Variants in FOXA3 observed in about 807,000 individuals in gnomAD.
FOXA3 encodes the protein hepatocyte nuclear factor 3-gamma.
In FOXA3, 11 loss-of-function variants were observed where a neutral mutation model predicts 16.9. The ratio of observed to expected loss-of-function variants is 0.65; its 90% CI spans 0.41 to 1.08. The LOEUF is 1.08. FOXA3 is among the 50% of genes least tolerant of loss of function. The pLI, the probability that FOXA3 is intolerant of heterozygous loss-of-function variation, is 0.00. For synonymous variants in FOXA3, 217 were observed against 203.3 expected (o/e 1.07, Z -0.57); for missense variants, 423 against 470.1 (o/e 0.90, Z 0.93).
chr19:45,872,690 A>G lies in FOXA3; in HGVS notation c.685A>G (p.Thr229Ala). ...AAAAGGGGGCAGCGGGGCTGCCACC[A>G]CCACCAGGAACGGGACAGGGTCTGC... ...VKKGGSGAAT[T>A]TRNGTGSAAS... Residue 229 changes from threonine (T) to alanine (A), a missense_variant, in exon 2 of 2, where the codon ACC (threonine) becomes GCC (alanine). Thr to Ala is a moderately conservative substitution (Grantham distance 58). Coordinates refer to ENST00000302177, the MANE Select transcript of FOXA3 (RefSeq NM_004497.3). The surrounding 1 kb of genome is among the most constrained non-coding windows in gnomAD (Gnocchi z 4.5). 1 of 1,609,964 alleles carries G rather than the reference A, an allele frequency of 6.2e-7. No individual in the cohort carries two copies. The highest frequency in any genetic ancestry group is 8.5e-7 in the Non-Finnish European group (1 of 1,178,406).
chr19:45,872,010 C>A lies in FOXA3; in HGVS notation c.70-65C>A. The A allele has an allele frequency of 6.6e-7, 1 of 1,520,718 alleles. No individual in the cohort carries two copies. The highest frequency in any genetic ancestry group is 1.2e-5 in the South Asian group (1 of 85,538). The allele number at this position is 1,520,718 out of a possible 1,614,324, so 94.2% of individuals were successfully genotyped here. On this transcript the variant is annotated intron_variant, in intron 1 of 1. Coordinates refer to ENST00000302177, the MANE Select transcript of FOXA3 (RefSeq NM_004497.3). The surrounding 1 kb of genome is among the most constrained non-coding windows in gnomAD (Gnocchi z 4.5). ...ACAGACAGACGGACACTCAGTGGGTCCTGGGATCCTTTGCTGACCAGCAGA... is the reference window on the plus strand; with the variant it reads ...ACAGACAGACGGACACTCAGTGGGTACTGGGATCCTTTGCTGACCAGCAGA...
At chr19:45,864,627 C>A in intron 1 of FOXA3, 102 bp downstream of exon 1, 3 of 991,044 alleles carry the variant, frequency 3.0e-6, no homozygotes, top group South Asian at 3.1e-5. Flanking sequence ...GAGGCAAAGG[C>A]GTCTACTTGG....
rs201137445 is a variant in FOXA3, at chr19:45,872,087, G to A, written c.82G>A (p.Val28Met). The A allele has an allele frequency of 3.9e-5, 62 of 1,610,172 alleles. No individual in the cohort carries two copies. Among genetic ancestry groups the A allele is most frequent in the Non-Finnish European group, 5.1e-5 (60 of 1,177,934 alleles). Residue 28 changes from valine to methionine, a missense_variant, in exon 2 of 2, where the codon GTG (valine) becomes ATG (methionine). By Grantham distance (21) the Val-to-Met change is conservative (BLOSUM62 1). Around this residue, in one of 3 missense-constraint regions of FOXA3, gnomAD observed 170 missense variants for 153.9 expected, o/e 1.10. Coordinates refer to ENST00000302177, the MANE Select transcript of FOXA3 (RefSeq NM_004497.3). This position sits in a 1 kb window ranked among gnomAD's most constrained non-coding sequence, Gnocchi z 4.5. ...ATCTTTCCCCTAGGTCTACTCGCCGGTGACCCCAGTGCCCACCATGGCCCC... is the reference window on the plus strand; with the variant it reads ...ATCTTTCCCCTAGGTCTACTCGCCGATGACCCCAGTGCCCACCATGGCCCC... ...YPEAGEVYSP[V>M]TPVPTMAPLN...
At chr19:45,864,940 A>T (rs541746616) in intron 1 of FOXA3, among the ~76,000 whole-genome samples, 29 of 152,056 alleles carry the variant, frequency 1.9e-4, no homozygotes, top group African/African-American at 7.0e-4. Context: ...TAAAAGATGG[A>T]GGAGGAGTCA....
Position 45,871,965 on chromosome 19 carries a change from T to C in FOXA3, c.70-110T>C. 6 of 1,104,672 alleles carry C rather than the reference T, an allele frequency of 5.4e-6. No individual in the cohort carries two copies. In the South Asian group the frequency reaches 8.8e-5, roughly 16 times the overall value. The allele number at this position is 1,104,672 out of a possible 1,614,324, so 68.4% of individuals were successfully genotyped here. On this transcript the variant is annotated intron_variant, in intron 1 of 1. Coordinates refer to ENST00000302177, the MANE Select transcript of FOXA3 (RefSeq NM_004497.3). ...AGATAGAGGTAATGATGGAAGGGAT[T>C]TGTAGAGAAGGCAAGATGGACAGAC...
Position 45,864,519 on chromosome 19 carries a change from G to T in FOXA3, c.63G>T (p.Ala21=), listed in dbSNP as rs753310709. 6.5e-7 allele frequency: 1 copy of T among 1,546,064 alleles called. No homozygotes were observed. The change falls in exon 1 of 2, where the codon GCG becomes GCT. Residue 21 remains alanine, a synonymous_variant. Transcript: ENST00000302177. ...CCGAGTGGAGCTACTACCCGGAGGC[G>T]GGCGAGGTGTGTCCTCGGGGATGGC... ...DLAEWSYYPE[A]GEVYSPVTPV... is the part of the protein sequence containing the mutation.
rs550382199 is a variant in FOXA3 at position 45,872,044 on chromosome 19, C to T, written c.70-31C>T. Reference sequence around the variant, plus strand: ...CTTTGCTGACCAGCAGAGTGGAGCCCCACTGACCCCTCCTTTCATCTTTCC... The same window carrying T: ...CTTTGCTGACCAGCAGAGTGGAGCCTCACTGACCCCTCCTTTCATCTTTCC... On this transcript the variant is annotated intron_variant, in intron 1 of 1. Transcript: ENST00000302177. This position sits in a 1 kb window ranked among gnomAD's most constrained non-coding sequence, Gnocchi z 4.5. The T allele has an allele frequency of 1.9e-6, 3 of 1,607,820 alleles. No homozygotes were observed. Among genetic ancestry groups the T allele is most frequent in the South Asian group, 1.1e-5 (1 of 90,356 alleles).
chr19:45,868,034 G>A (rs1337885439), intron 1 of FOXA3, among the ~76,000 whole-genome samples: 11 of 151,804 alleles, frequency 7.2e-5, no homozygotes, highest in Non-Finnish European at 1.5e-5. Flanking sequence ...AAAACAATGC[G>A]GGGGTGGGGA....
chr19:45,872,652 A>G lies in FOXA3; in HGVS notation c.647A>G (p.Glu216Gly). The G allele has an allele frequency of 6.2e-7, 1 of 1,613,464 alleles. No individual in the cohort carries two copies. Among genetic ancestry groups the G allele is most frequent in the Non-Finnish European group, 8.5e-7 (1 of 1,179,720 alleles). The change falls in exon 2 of 2, where the codon GAG (glutamate) becomes GGG (glycine). Residue 216 changes from glutamate (E) to glycine (G), a missense_variant. Around this residue, in one of 3 missense-constraint regions of FOXA3, gnomAD observed 168 missense variants for 179.3 expected, o/e 0.94. Transcript: ENST00000302177. This position sits in a 1 kb window ranked among gnomAD's most constrained non-coding sequence, Gnocchi z 4.5. ...YLRRQKRFKL[E>G]EKVKKGGSGA... ...CGCCGCCAGAAACGCTTCAAGCTGG[A>G]GGAGAAGGTGAAAAAAGGGGGCAGC...
At chr19:45,868,495 G>T (rs1204223337) in intron 1 of FOXA3, among the ~76,000 whole-genome samples, 1 of 151,022 alleles carries the variant, frequency 6.6e-6, no homozygotes, top group African/African-American at 2.4e-5. Context: ...CAGGAGAATC[G>T]CTTGAACCTG....
At chr19:45,869,181 C>G (rs1356473369) in intron 1 of FOXA3, among the ~76,000 whole-genome samples, 1 of 152,092 alleles carries the variant, frequency 6.6e-6, no homozygotes, top group Non-Finnish European at 1.5e-5. Flanking sequence ...CACCCCCACC[C>G]CCCCCACCTC....
chr19:45,868,938 T>C (rs1480316545), intron 1 of FOXA3, among the ~76,000 whole-genome samples: 1 of 152,180 alleles, frequency 6.6e-6, no homozygotes. Context: ...TTTATGATTA[T>C]TATTTTTTGA....
chr19:45,872,275 C>T lies in FOXA3; in HGVS notation c.270C>T (p.Ser90=), dbSNP rs745781153. Residue 90 remains serine (S), a synonymous_variant, in exon 2 of 2, where the codon TCC becomes TCT. Coordinates refer to ENST00000302177, the MANE Select transcript of FOXA3 (RefSeq NM_004497.3). This position sits in a 1 kb window ranked among gnomAD's most constrained non-coding sequence, Gnocchi z 4.5. The part of the protein sequence containing the change: ...GLGVSGGSSS[S]GYGAPGPGLV... ...GTGTCAGCGGTGGCAGCAGCAGCTC[C>T]GGGTACGGGGCCCCGGGTCCTGGGC... is the stretch of plus-strand genomic sequence containing the variant. 21 of 1,612,084 alleles carry T rather than the reference C, an allele frequency of 1.3e-5. No homozygotes were observed. Among genetic ancestry groups the T allele is most frequent in the East Asian group, 4.5e-5 (2 of 44,838 alleles).
Position 45,872,658 on chromosome 19 carries a change from A to C in FOXA3, c.653A>C (p.Lys218Thr). ...CAGAAACGCTTCAAGCTGGAGGAGA[A>C]GGTGAAAAAAGGGGGCAGCGGGGCT... ...RRQKRFKLEEKVKKGGSGAAT... is the reference protein window; with the variant it reads ...RRQKRFKLEETVKKGGSGAAT... The change falls in exon 2 of 2, where the codon AAG becomes ACG. Residue 218 changes from lysine (K) to threonine (T), a missense_variant. Lys to Thr is a moderately conservative substitution (Grantham distance 78). Coordinates refer to ENST00000302177, the MANE Select transcript of FOXA3 (RefSeq NM_004497.3). The surrounding 1 kb of genome is among the most constrained non-coding windows in gnomAD (Gnocchi z 4.5). 6.2e-7 allele frequency: 1 copy of C among 1,613,036 alleles called. No homozygotes were observed. Among genetic ancestry groups the C allele is most frequent in the East Asian group, 2.2e-5 (1 of 44,862 alleles).
Position 45,872,308 on chromosome 19 carries a change from C to T in FOXA3, c.303C>T (p.His101=), listed in dbSNP as rs769154124. The change falls in exon 2 of 2, where the codon CAC becomes CAT. Residue 101 remains histidine, a synonymous_variant. Coordinates refer to ENST00000302177, the MANE Select transcript of FOXA3 (RefSeq NM_004497.3). This position sits in a 1 kb window ranked among gnomAD's most constrained non-coding sequence, Gnocchi z 4.5. ...GYGAPGPGLV[H]GKEMPKGYRR... ...GGGCCCCGGGTCCTGGGCTGGTGCA[C>T]GGGAAGGAGATGCCGAAGGGGTATC... The T allele has an allele frequency of 4.5e-5, 72 of 1,613,916 alleles. No individual in the cohort carries two copies. Among genetic ancestry groups the T allele is most frequent in the East Asian group, 6.7e-5 (3 of 44,888 alleles).
In FOXA3 at chr19:45,864,367, T is replaced by G; in HGVS notation, c.-90T>G. The G allele has an allele frequency of 8.7e-7, 1 of 1,150,818 alleles. No individual in the cohort carries two copies. The highest frequency in any genetic ancestry group is 1.1e-6 in the Non-Finnish European group (1 of 895,216). The allele number at this position is 1,150,818 out of a possible 1,614,324, so 71.3% of individuals were successfully genotyped here. The stretch of plus-strand genomic sequence containing the variant: ...GGGCGGTCGGACGGGCGGGCGCCGG[T>G]GGGAGCTCGGGCCGTGCCCGCTGAG... On this transcript the variant is annotated 5_prime_UTR_variant, in exon 1 of 2. Coordinates refer to ENST00000302177, the MANE Select transcript of FOXA3 (RefSeq NM_004497.3).
At chr19:45,865,208 C>G (rs1972072495) in intron 1 of FOXA3, among the ~76,000 whole-genome samples, 1 of 152,054 alleles carries the variant, frequency 6.6e-6, no homozygotes, top group Non-Finnish European at 1.5e-5. Context: ...CTCCACCCCC[C>G]CATCCCTACC....
intron 1 of FOXA3, among the ~76,000 whole-genome samples, chr19:45,870,092 C>T (rs1193629839): frequency 6.7e-6 from 1 of 148,614 alleles, no homozygotes. Context: ...AGCCTAAATG[C>T]AGTAATTTTA....
At chr19:45,868,456 C>T (rs776736780) in intron 1 of FOXA3, among the ~76,000 whole-genome samples, 11 of 151,720 alleles carry the variant, frequency 7.3e-5, no homozygotes, top group South Asian at 2.1e-4. Context: ...GGTGCGTGCC[C>T]GTAATCCCAG....
Sources: allele counts gnomAD v4.1 joint callset (sites outside exome capture counted in the v4.1 genomes callset), GRCh38; gene constraint gnomAD v4.1.1; regional missense constraint gnomAD v4.1.1; non-coding constraint Gnocchi (gnomAD v3.1); transcripts MANE v1.5; gene names NCBI Gene and HGNC (gene_info 2026-07-23, HGNC 2026-07-21).